CLYBL: variants seen among roughly 807,000 people sequenced by gnomAD.
The protein encoded by CLYBL is citramalyl-CoA lyase.
Under a neutral mutation model 38.9 loss-of-function variants are expected in CLYBL, and 31 were observed. That is an observed-to-expected ratio of 0.80 (90% CI 0.60 to 1.08). The LOEUF (loss-of-function observed/expected upper bound fraction) is 1.08. CLYBL is among the 50% of genes least tolerant of loss of function. The pLI is 0.00. For synonymous variants in CLYBL, 171 were observed against 158.6 expected (o/e 1.08, Z -0.59); for missense variants, 434 against 411.6 (o/e 1.05, Z -0.47).
chr13:99,695,464 G>A (rs1043723795), intron 1 of CLYBL, among the ~76,000 whole-genome samples: 2 of 152,020 alleles, frequency 1.3e-5, no homozygotes, highest in African/African-American at 4.8e-5. Context: ...TTGATGTAGC[G>A]TAATAAACTT....
intron 2 of CLYBL, among the ~76,000 whole-genome samples, chr13:99,797,790 T>C (rs749687031): frequency 6.6e-6 from 1 of 152,164 alleles, no homozygotes; most frequent in African/African-American, 2.4e-5. Flanking sequence ...TGGAACTCAG[T>C]ACTACCAAGC....
chr13:99,798,069 T>C (rs543470942), intron 2 of CLYBL, among the ~76,000 whole-genome samples: 12 of 152,306 alleles, frequency 7.9e-5, no homozygotes, highest in Non-Finnish European at 1.8e-4. Context: ...CTTGTTTTCC[T>C]CTCCTTCATC....
chr13:99,726,061 A>C (rs145220532), intron 1 of CLYBL, among the ~76,000 whole-genome samples: 206 of 152,318 alleles, frequency 1.4e-3, no homozygotes, highest in African/African-American at 4.6e-3. Context: ...AAACACATTA[A>C]GGCAAGATTT....
rs1033639998 is a variant in CLYBL at position 99,822,849 on chromosome 13, C to T, written c.250-36012C>T. On this transcript the variant is annotated intron_variant, in intron 2 of 8. Coordinates refer to ENST00000339105, the MANE Select transcript of CLYBL (RefSeq NM_206808.5). ...AACTACTTTCAACTGTTTTAACTTC[C>T]TTACTGTTAACTTCCATATTTCTAG... Among the ~76,000 whole-genome samples the T allele has an allele frequency of 2.0e-5, 3 of 152,152 alleles. No homozygotes were observed. In the South Asian group the frequency reaches 6.2e-4, roughly 32 times the overall value.
At chr13:99,673,148 T>G (rs543530145) in intron 1 of CLYBL, among the ~76,000 whole-genome samples, 161 of 152,252 alleles carry the variant, frequency 1.1e-3, no homozygotes, top group Non-Finnish European at 1.7e-3. Context: ...GCATGGTAGC[T>G]TAGCCTGTAA....
At chr13:99,750,050 C>A (rs767243809) in intron 1 of CLYBL, among the ~76,000 whole-genome samples, 1 of 151,912 alleles carries the variant, frequency 6.6e-6, no homozygotes, top group Non-Finnish European at 1.5e-5. Context: ...TAGGCTCTTA[C>A]CTTCACTCAG....
intron 1 of CLYBL, among the ~76,000 whole-genome samples, chr13:99,683,083 T>C (rs866835592): frequency 6.7e-6 from 1 of 149,954 alleles, no homozygotes; most frequent in Non-Finnish European, 1.5e-5. Context: ...ATGTTTTGTT[T>C]TGTTTTGTTT....
chr13:99,667,927 C>A (rs1169627833), intron 1 of CLYBL, among the ~76,000 whole-genome samples: 2 of 152,126 alleles, frequency 1.3e-5, no homozygotes, highest in Non-Finnish European at 1.5e-5. Context: ...TTAATGCTTG[C>A]CAAGTAATTA....
chr13:99,877,939 C>CT (rs962789039), intron 7 of CLYBL, among the ~76,000 whole-genome samples: 9 of 151,836 alleles, frequency 5.9e-5, no homozygotes, highest in Admixed American at 2.0e-4. Context: ...CTATAATTGT[C>CT]TTTTTTTTCC....
At chr13:99,815,475 C>T (rs2050426249) in intron 2 of CLYBL, among the ~76,000 whole-genome samples, 1 of 152,176 alleles carries the variant, frequency 6.6e-6, no homozygotes, top group South Asian at 2.1e-4. Context: ...AGTCCAGCTA[C>T]TTGCAGGGCT....
At chr13:99,811,011 G>A (rs778179461) in intron 2 of CLYBL, among the ~76,000 whole-genome samples, 3 of 152,114 alleles carry the variant, frequency 2.0e-5, no homozygotes, top group Non-Finnish European at 4.4e-5. Flanking sequence ...GCCACGTTCC[G>A]GTTCTGAAGG....
intron 1 of CLYBL, among the ~76,000 whole-genome samples, chr13:99,628,937 TGTTA>T (rs1194327761): frequency 6.6e-6 from 1 of 152,218 alleles, no homozygotes; most frequent in East Asian, 1.9e-4. Flanking sequence ...TAAATGTTTG[TGTTA>T]GTTGAAAAAA....
chr13:99,903,356 T>C (rs929736650), intron 8 of CLYBL, among the ~76,000 whole-genome samples: 1 of 152,034 alleles, frequency 6.6e-6, no homozygotes, highest in Non-Finnish European at 1.5e-5. Flanking sequence ...CAGAGGCTCA[T>C]TGCAAACACA....
chr13:99,760,498 A>G (rs867415562), intron 1 of CLYBL, among the ~76,000 whole-genome samples: 19 of 152,118 alleles, frequency 1.2e-4, no homozygotes, highest in Admixed American at 2.0e-4. Context: ...CTGGTGACAA[A>G]CTCCCTTGGC....
At chr13:99,631,195 G>A (rs2046938819) in intron 1 of CLYBL, among the ~76,000 whole-genome samples, 1 of 152,048 alleles carries the variant, frequency 6.6e-6, no homozygotes, top group Non-Finnish European at 1.5e-5. Context: ...GGTGGCGCAT[G>A]CCTGTAGTGC....
At chr13:99,752,273 A>G (rs752778979) in intron 1 of CLYBL, among the ~76,000 whole-genome samples, 35 of 152,078 alleles carry the variant, frequency 2.3e-4, no homozygotes, top group Non-Finnish European at 4.1e-4. Flanking sequence ...TTTCTCCTTG[A>G]ACATTCCCTA....
chr13:99,630,023 A>G (rs964282821), intron 1 of CLYBL, among the ~76,000 whole-genome samples: 2 of 151,898 alleles, frequency 1.3e-5, no homozygotes, highest in African/African-American at 4.8e-5. Flanking sequence ...CTGCCCCACC[A>G]TATCTGAGAA....
chr13:99,700,697 C>T (rs2048051448), intron 1 of CLYBL, among the ~76,000 whole-genome samples: 1 of 152,076 alleles, frequency 6.6e-6, no homozygotes, highest in East Asian at 1.9e-4. Context: ...TGGCTGTTTG[C>T]GTTTTGTGGA....
intron 1 of CLYBL, among the ~76,000 whole-genome samples, chr13:99,672,340 G>T (rs749750901): frequency 1.3e-5 from 2 of 151,980 alleles, no homozygotes; most frequent in Non-Finnish European, 2.9e-5. Context: ...CAGAGTAGCT[G>T]AGACAACAGG....
Sources: allele counts gnomAD v4.1 joint callset (sites outside exome capture counted in the v4.1 genomes callset), GRCh38; gene constraint gnomAD v4.1.1; transcripts MANE v1.5; gene names NCBI Gene and HGNC (gene_info 2026-07-23, HGNC 2026-07-21).